The following NCKAP5 variants were observed in gnomAD, a reference collection of about 807,000 sequenced individuals.
NCKAP5 encodes the protein nck-associated protein 5.
Under a neutral mutation model 167.0 loss-of-function variants are expected in NCKAP5, and 92 were observed. The ratio of observed to expected loss-of-function variants is 0.55; its 90% CI spans 0.47 to 0.66. The LOEUF is 0.66. NCKAP5 is among the 30% of genes least tolerant of loss of function. The pLI, the probability that NCKAP5 is intolerant of heterozygous loss-of-function variation, is 0.00. For synonymous variants in NCKAP5, 891 were observed against 877.4 expected, an observed-to-expected ratio of 1.02 and a Z score of -0.27; for missense variants, 2,378 against 2,315.0, an observed-to-expected ratio of 1.03 and a Z score of -0.56.
At chr2:132,960,511 T>A (rs1019368490) in intron 8 of NCKAP5, among the ~76,000 whole-genome samples, 2 of 152,130 alleles carry the variant, frequency 1.3e-5, no homozygotes, top group Non-Finnish European at 2.9e-5. Context: ...CATGACCCCA[T>A]ATCCTTCCTA....
chr2:133,174,626 G>T (rs150914290), intron 5 of NCKAP5, among the ~76,000 whole-genome samples: 64 of 151,374 alleles, frequency 4.2e-4, no homozygotes, highest in African/African-American at 1.5e-3. Flanking sequence ...TGCATTCTGT[G>T]TCCTTTTGAG....
At chr2:133,011,676 A>ATAAG (rs1337700438) in intron 6 of NCKAP5, among the ~76,000 whole-genome samples, 2 of 152,232 alleles carry the variant, frequency 1.3e-5, no homozygotes, top group Admixed American at 1.3e-4. Context: ...ACAGCAGTTA[A>ATAAG]TAAGCATGGC....
intron 3 of NCKAP5, among the ~76,000 whole-genome samples, chr2:133,341,566 A>G (rs370483117): frequency 7.1e-4 from 108 of 152,332 alleles, no homozygotes; most frequent in African/African-American, 2.5e-3. Context: ...GTACCAAAAT[A>G]TGTTCTCTTA....
chr2:133,100,071 T>C (rs913376647), intron 6 of NCKAP5, among the ~76,000 whole-genome samples: 2 of 152,134 alleles, frequency 1.3e-5, no homozygotes, highest in Admixed American at 6.6e-5. Flanking sequence ...TAAAGTGCAG[T>C]TGAAAATGTC....
intron 2 of NCKAP5, among the ~76,000 whole-genome samples, chr2:133,546,698 C>CA (rs951069412): frequency 3.4e-4 from 52 of 151,762 alleles, no homozygotes; most frequent in Admixed American, 2.6e-3. Flanking sequence ...AAAACAACAA[C>CA]AAAAAAAACA....
At position 132,878,151 on chromosome 2, in the gene NCKAP5, C is replaced by T. The variant is rs538648934; in HGVS notation, c.648+697G>A. ...GAGCCCTGATGGTGTGAGGTGACAGCGGGGGAGGACGAGGGCTCTGAGCGC... is the reference window on the plus strand; with the variant it reads ...GAGCCCTGATGGTGTGAGGTGACAGTGGGGGAGGACGAGGGCTCTGAGCGC... On this transcript the variant is annotated intron_variant, in intron 9 of 19. Transcript: ENST00000409261. 1.6e-4 allele frequency among the ~76,000 whole-genome samples: 24 copies of T among 152,238 alleles called. No homozygotes were observed. In the East Asian group the frequency reaches 1.7e-3, roughly 11 times the overall value.
the NCKAP5 span, among the ~76,000 whole-genome samples, chr2:133,652,334 A>G: frequency 6.6e-6 from 1 of 152,240 alleles, no homozygotes. Context: ...TGAGTTAGAT[A>G]GTTATTAATT....
chr2:133,501,041 A>G (rs1169478839), intron 3 of NCKAP5, among the ~76,000 whole-genome samples: 1 of 152,158 alleles, frequency 6.6e-6, no homozygotes, highest in Non-Finnish European at 1.5e-5. Context: ...GCTTGATACC[A>G]CAGAATCATT....
At chr2:132,794,223 CATATATATATAT>C (rs1166750939) in intron 12 of NCKAP5, among the ~76,000 whole-genome samples, 87 of 21,160 alleles carry the variant, frequency 4.1e-3, no homozygotes, top group Middle Eastern at 0.1. Context: ...AATGTTTATA[CATATATATATAT>C]ATATATATAT....
chr2:133,536,553 T>C (rs940535302), intron 2 of NCKAP5, among the ~76,000 whole-genome samples: 5 of 152,234 alleles, frequency 3.3e-5, no homozygotes, highest in Non-Finnish European at 4.4e-5. Context: ...TGTAGTATAA[T>C]TTGAAGTCAT....
intron 11 of NCKAP5, among the ~76,000 whole-genome samples, chr2:132,805,745 AAATTTAATTT>A (rs1428546088): frequency 6.6e-6 from 1 of 151,668 alleles, no homozygotes; most frequent in Non-Finnish European, 1.5e-5. Context: ...TATTTTTAAA[AAATTTAATTT>A]AATTTAATTC....
chr2:132,720,733 G>A (rs200446460), intron 19 of NCKAP5, among the ~76,000 whole-genome samples: 11 of 152,324 alleles, frequency 7.2e-5, no homozygotes, highest in South Asian at 2.1e-4. Flanking sequence ...GAACCGGCCC[G>A]GCACAGTGGC....
intron 6 of NCKAP5, among the ~76,000 whole-genome samples, chr2:133,003,755 C>T (rs984084059): frequency 3.3e-5 from 5 of 152,222 alleles, no homozygotes; most frequent in Non-Finnish European, 5.9e-5. Context: ...GAAACCACAG[C>T]ACTCTAATTC....
At chr2:133,090,251 T>C (rs1476475384) in intron 6 of NCKAP5, among the ~76,000 whole-genome samples, 1 of 151,728 alleles carries the variant, frequency 6.6e-6, no homozygotes, top group Non-Finnish European at 1.5e-5. Flanking sequence ...CCCAGAACTC[T>C]TTGCAGTTGT....
At chr2:133,025,897 G>A (rs796639124) in intron 6 of NCKAP5, among the ~76,000 whole-genome samples, 3 of 152,228 alleles carry the variant, frequency 2.0e-5, no homozygotes, top group African/African-American at 7.2e-5. Context: ...TTTGTGCCAT[G>A]GTGGTTTGCT....
intron 5 of NCKAP5, among the ~76,000 whole-genome samples, chr2:133,170,407 G>C (rs1292539032): frequency 6.6e-6 from 1 of 152,116 alleles, no homozygotes; most frequent in Non-Finnish European, 1.5e-5. Flanking sequence ...GTGCAGAAAT[G>C]GTGTGTCATG....
At chr2:132,696,185 C>T (rs1292993444) in intron 19 of NCKAP5, among the ~76,000 whole-genome samples, 1 of 152,198 alleles carries the variant, frequency 6.6e-6, no homozygotes, top group Admixed American at 6.5e-5. Flanking sequence ...GCCATGATGA[C>T]TCCAGAGAAG....
At chr2:132,951,935 CA>C (rs1294038321) in intron 8 of NCKAP5, among the ~76,000 whole-genome samples, 1 of 152,016 alleles carries the variant, frequency 6.6e-6, no homozygotes, top group Non-Finnish European at 1.5e-5. Context: ...ACTCACTAAA[CA>C]AAAAAACAAA....
At chr2:133,201,336 AC>A (rs997017647) in intron 5 of NCKAP5, among the ~76,000 whole-genome samples, 1 of 152,192 alleles carries the variant, frequency 6.6e-6, no homozygotes, top group Non-Finnish European at 1.5e-5. Flanking sequence ...ACAGCTAGAC[AC>A]AGATAATAGA....
Sources: gnomAD v4.1 joint callset for allele counts (sites outside exome capture counted in the v4.1 genomes callset) on GRCh38, gnomAD v4.1.1 for gene constraint, MANE v1.5 for transcripts, NCBI Gene and HGNC (gene_info 2026-07-23, HGNC 2026-07-21) for gene names.